The following ASB10 variants were observed in gnomAD, a reference collection of about 807,000 sequenced individuals.
ASB10 encodes the protein ankyrin repeat and SOCS box protein 10.
In ASB10, 44 loss-of-function variants were observed where a neutral mutation model predicts 35.4. The observed-to-expected ratio is 1.24, with a 90% CI of 0.98 to 1.60. ASB10 has a LOEUF of 1.60. ASB10 is among the 40% of genes most tolerant of loss of function. The pLI is 0.00. For missense variants in ASB10, 647 were observed against 634.3 expected (o/e 1.02, Z -0.22); for synonymous variants, 294 against 280.4 (o/e 1.05, Z -0.49).
chr7:151,186,985 C>T lies in ASB10; in HGVS notation c.146G>A (p.Arg49His), dbSNP rs570473515. Residue 49 changes from arginine to histidine, a missense_variant, in exon 1 of 6, where the codon CGC (arginine) becomes CAC (histidine). Coordinates refer to ENST00000420175, the MANE Select transcript of ASB10 (RefSeq NM_001142459.2). ...LKSGPGPIVT[R>H]TASGPALAFW... ...GGCAAGGGCAGGTCCTGAGGCTGTG[C>T]GGGTGACGATGGGTCCCGGGCCAGA... 7.3e-5 allele frequency: 117 copies of T among 1,612,656 alleles called. 1 individual carries two copies. The South Asian group carries it at 1.1e-3, about 15-fold the overall frequency.
chr7:151,175,754 C>G lies in ASB10; in HGVS notation c.*213G>C. 3.7e-6 allele frequency: 1 copy of G among 273,210 alleles called. No individual in the cohort carries two copies. Among genetic ancestry groups the G allele is most frequent in the Middle Eastern group, 1.1e-3 (1 of 924 alleles). The allele number at this position is 273,210 out of a possible 1,614,324, so 16.9% of individuals were successfully genotyped here. A position where few individuals can be genotyped will look rare whatever the true frequency, so the allele number is the denominator to read the frequency against. Reference sequence around the variant, plus strand: ...GGGTTTGCACAGGCTAGAAGGGGGCCTCAGGAGAGCCCCAGTAGGAGTGTG... The same window carrying G: ...GGGTTTGCACAGGCTAGAAGGGGGCGTCAGGAGAGCCCCAGTAGGAGTGTG... On this transcript the variant is annotated 3_prime_UTR_variant, in exon 6 of 6. Transcript: ENST00000420175.
intron 2 of ASB10, among the ~76,000 whole-genome samples, chr7:151,183,887 C>T (rs942494120): frequency 6.6e-6 from 1 of 151,828 alleles, no homozygotes; most frequent in Non-Finnish European, 1.5e-5. Context: ...CGCCCGGCCT[C>T]AATTTTATAT....
At position 151,181,046 on chromosome 7, in the gene ASB10, A is replaced by G. The variant is rs1303107056; in HGVS notation, c.997T>C (p.Cys333Arg). The part of the protein sequence containing the change: ...MDYGGHTPLH[C>R]ALQGPAAALA... ...GCTGCAGCTGGGCCCTGCAGAGCAC[A>G]GTGCAGGGGCGTGTGTCCCCCATAG... Residue 333 changes from cysteine (C) to arginine (R), a missense_variant, in exon 3 of 6, where the codon TGT becomes CGT. Transcript: ENST00000420175. The G allele has an allele frequency of 1.2e-6, 2 of 1,611,438 alleles. No homozygotes were observed. The highest frequency in any genetic ancestry group is 1.7e-6 in the Non-Finnish European group (2 of 1,179,044).
intron 2 of ASB10, 116 bp from the exon 3 acceptor site, chr7:151,181,574 G>C: frequency 7.0e-7 from 1 of 1,419,548 alleles, no homozygotes; most frequent in Non-Finnish European, 9.2e-7. Flanking sequence ...GCCCATCACT[G>C]GTCATCCTGG....
chr7:151,180,828 A>G (rs1801470272), intron 3 of ASB10, 111 bp downstream of exon 3: 2 of 1,404,066 alleles, frequency 1.4e-6, no homozygotes, highest in African/African-American at 2.9e-5. Flanking sequence ...AGACAGACAG[A>G]AGGAACCAAT....
At chr7:151,183,430 T>TA (rs1801530756) in intron 2 of ASB10, among the ~76,000 whole-genome samples, 1 of 152,048 alleles carries the variant, frequency 6.6e-6, no homozygotes, top group South Asian at 2.1e-4. Flanking sequence ...TCTTTTGAGA[T>TA]AAGGTCTCTC....
Position 151,176,314 on chromosome 7 carries a change from G to A in ASB10, c.1219-17C>T. ...CTGATGTTTCTGGGGGCAGAACAAG[G>A]GGCTCAGTGAGAGGCAGCCTCAGAC... On this transcript the variant is annotated splice_polypyrimidine_tract_variant and intron_variant, in intron 4 of 5. Transcript: ENST00000420175. 6.5e-7 allele frequency: 1 copy of A among 1,530,028 alleles called. No homozygotes were observed. The highest frequency in any genetic ancestry group is 1.9e-4 in the Middle Eastern group (1 of 5,174). The allele number at this position is 1,530,028 out of a possible 1,614,324, so 94.8% of individuals were successfully genotyped here. A position where few individuals can be genotyped will look rare whatever the true frequency, so the allele number is the denominator to read the frequency against.
At position 151,186,526 on chromosome 7, in the gene ASB10, G is replaced by T. The variant is rs73727103; in HGVS notation, c.450C>A (p.Thr150=). ...CTGCAGCACAGGCCTCGTGCAGGGC[G>T]GTGCGGCCCCCAGGGGCACTGTCTG... is the stretch of plus-strand genomic sequence containing the variant. ...ARPDSAPGGR[T]ALHEACAAGH... is the part of the protein sequence containing the mutation. Residue 150 remains threonine (T), a synonymous_variant, in exon 2 of 6, where the codon ACC becomes ACA. Coordinates refer to ENST00000420175, the MANE Select transcript of ASB10 (RefSeq NM_001142459.2). 1.9e-6 allele frequency: 3 copies of T among 1,603,478 alleles called. No homozygotes were observed. The highest frequency in any genetic ancestry group is 1.3e-5 in the African/African-American group (1 of 74,842).
At chr7:151,187,461 G>GGCT (rs762443768), upstream of ASB10, 30 of 1,551,196 alleles carry the variant, frequency 1.9e-5, no homozygotes, top group Non-Finnish European at 2.5e-5. The surrounding 1 kb of genome is among the most constrained non-coding windows in gnomAD (Gnocchi z 5.3). Flanking sequence ...CCCCTCTGGT[G>GGCT]GCTGCTCCAG....
chr7:151,186,516 C>A lies in ASB10; in HGVS notation c.460G>T (p.Glu154Ter). 2 of 1,602,526 alleles carry A rather than the reference C, an allele frequency of 1.2e-6. No homozygotes were observed. Among genetic ancestry groups the A allele is most frequent in the Non-Finnish European group, 1.7e-6 (2 of 1,175,034 alleles). Residue 154 changes from glutamate (E) to a stop codon, truncating the protein, a stop_gained, in exon 2 of 6, where the codon GAG becomes TAG. Transcript: ENST00000420175. LOFTEE classifies it high-confidence loss of function. ...GCAGTGTGGCCTGCAGCACAGGCCT[C>A]GTGCAGGGCGGTGCGGCCCCCAGGG... The part of the protein sequence containing the change: ...SAPGGRTALH[E>*]ACAAGHTACV...
At chr7:151,176,483 C>G in intron 4 of ASB10, 80 bp downstream of exon 4, 1 of 1,488,786 alleles carries the variant, frequency 6.7e-7, no homozygotes, top group Non-Finnish European at 9.0e-7. Flanking sequence ...TGGGTACTTT[C>G]TATGGGGGGC....
chr7:151,177,515 T>C (rs1801410548), intron 3 of ASB10, among the ~76,000 whole-genome samples: 1 of 147,462 alleles, frequency 6.8e-6, no homozygotes, highest in Non-Finnish European at 1.5e-5. Flanking sequence ...CCCTGACCTG[T>C]GGCTGGAGCT....
At chr7:151,177,262 T>C (rs1455664886) in intron 3 of ASB10, among the ~76,000 whole-genome samples, 1 of 152,290 alleles carries the variant, frequency 6.6e-6, no homozygotes, top group Non-Finnish European at 1.5e-5. Flanking sequence ...ACTTGACATG[T>C]ATGAACTCTT....
At chr7:151,183,332 T>C (rs1466321780) in intron 2 of ASB10, among the ~76,000 whole-genome samples, 1 of 152,174 alleles carries the variant, frequency 6.6e-6, no homozygotes, top group Non-Finnish European at 1.5e-5. Context: ...TTGAGCCAAG[T>C]AGTTTGAGGC....
intron 3 of ASB10, among the ~76,000 whole-genome samples, chr7:151,178,993 A>C (rs918850337): frequency 1.3e-5 from 2 of 152,006 alleles, no homozygotes; most frequent in African/African-American, 4.8e-5. Context: ...CCTTCCCTTC[A>C]AAACTGCCCA....
Position 151,187,048 on chromosome 7 carries a change from A to C in ASB10, c.83T>G (p.Val28Gly), listed in dbSNP as rs750216311. ...DDRHPLCARL[V>G]EKPSRGSEEH... The stretch of plus-strand genomic sequence containing the variant: ...CTCAGACCCTCTGCTGGGCTTCTCC[A>C]CCAGCCTGGCACAGAGGGGGTGTCT... The change falls in exon 1 of 6, where the codon GTG becomes GGG. Residue 28 changes from valine (V) to glycine (G), a missense_variant. By Grantham distance (109) the Val-to-Gly change is moderately radical (BLOSUM62 -3). Transcript: ENST00000420175. This position sits in a 1 kb window ranked among gnomAD's most constrained non-coding sequence, Gnocchi z 5.3. 1 of 1,610,068 alleles carries C rather than the reference A, an allele frequency of 6.2e-7. No homozygotes were observed. Among genetic ancestry groups the C allele is most frequent in the South Asian group, 1.1e-5 (1 of 90,272 alleles).
At position 151,187,181 on chromosome 7, in the gene ASB10, G is replaced by GAA; in HGVS notation, c.-52_-51insTT. 5 of 507,030 alleles carry GAA rather than the reference G, an allele frequency of 9.9e-6. No homozygotes were observed. Among genetic ancestry groups the GAA allele is most frequent in the Non-Finnish European group, 1.4e-5 (5 of 350,202 alleles). The allele number at this position is 507,030 out of a possible 1,614,324, so 31.4% of individuals were successfully genotyped here. On this transcript the variant is annotated 5_prime_UTR_variant, in exon 1 of 6. Transcript: ENST00000420175. This position sits in a 1 kb window ranked among gnomAD's most constrained non-coding sequence, Gnocchi z 5.3. ...GGAGGAGAGGTATATGCCAAAGGCA[G>GAA]AGAGAGAGAGAGAGAGCAGGAGGGA...
intron 2 of ASB10, among the ~76,000 whole-genome samples, chr7:151,184,362 G>A (rs528182390): frequency 3.4e-4 from 51 of 150,360 alleles, no homozygotes; most frequent in African/African-American, 1.1e-3. Flanking sequence ...GCAGTGAGCC[G>A]ATATCACGCC....
At chr7:151,180,906 T>C in intron 3 of ASB10, 33 bp downstream of exon 3, 2 of 1,458,270 alleles carry the variant, frequency 1.4e-6, no homozygotes, top group Non-Finnish European at 1.8e-6. Context: ...CCCCTCACCA[T>C]GGTGGCCCTC....
Sources: allele counts gnomAD v4.1 joint callset (sites outside exome capture counted in the v4.1 genomes callset), GRCh38; gene constraint gnomAD v4.1.1; non-coding constraint Gnocchi (gnomAD v3.1); transcripts MANE v1.5; gene names NCBI Gene and HGNC (gene_info 2026-07-23, HGNC 2026-07-21).